Variants in DNM3 observed in about 807,000 individuals in gnomAD.
DNM3 encodes dynamin-3.
A neutral mutation model predicts 101.6 loss-of-function variants in DNM3; 47 were observed. The ratio of observed to expected loss-of-function variants is 0.46; its 90% CI spans 0.37 to 0.59. The LOEUF (loss-of-function observed/expected upper bound fraction) is 0.59. Ranked by LOEUF, DNM3 falls within the 20% of genes least tolerant of loss-of-function variation. DNM3 has a pLI of 0.00. For missense variants in DNM3, 849 were observed against 1,085.7 expected (o/e 0.78, Z 3.06); for synonymous variants, 385 against 387.9 (o/e 0.99, Z 0.09).
intron 17 of DNM3, among the ~76,000 whole-genome samples, chr1:172,328,864 G>C (rs1319792942): frequency 6.6e-6 from 1 of 151,902 alleles, no homozygotes; most frequent in Non-Finnish European, 1.5e-5. Context: ...TTTACTTTTA[G>C]AGACAGGGTC....
At chr1:172,030,741 G>A (rs1029920047) in intron 4 of DNM3, among the ~76,000 whole-genome samples, 6 of 152,244 alleles carry the variant, frequency 3.9e-5, no homozygotes, top group Admixed American at 3.3e-4. Flanking sequence ...AGTGGGCAAA[G>A]GTTATGAACA....
intron 13 of DNM3, among the ~76,000 whole-genome samples, chr1:172,129,946 C>A (rs2761187): frequency 0.082 from 12,540 of 152,054 alleles, 705 homozygotes; most frequent in African/African-American, 0.15. Flanking sequence ...CAACAGCACA[C>A]TGAAATGGAA....
At chr1:171,998,324 C>A (rs928091803) in intron 4 of DNM3, among the ~76,000 whole-genome samples, 4 of 152,046 alleles carry the variant, frequency 2.6e-5, no homozygotes, top group Admixed American at 2.6e-4. Flanking sequence ...ATTGTGAATG[C>A]AGGAAAAACA....
intron 6 of DNM3, 139 bp downstream of exon 6, chr1:172,033,404 A>G (rs2048753251): frequency 5.2e-6 from 5 of 958,820 alleles, no homozygotes; most frequent in Non-Finnish European, 6.0e-6. Flanking sequence ...TTAAAAATGA[A>G]TATTAGTACC....
chr1:171,966,481 A>G (rs761628728), intron 2 of DNM3, among the ~76,000 whole-genome samples: 1 of 152,216 alleles, frequency 6.6e-6, no homozygotes, highest in Non-Finnish European at 1.5e-5. Flanking sequence ...CATCCAAAAG[A>G]CCACCAGGAT....
At chr1:172,233,966 T>C (rs1337706888) in intron 14 of DNM3, among the ~76,000 whole-genome samples, 1 of 152,194 alleles carries the variant, frequency 6.6e-6, no homozygotes, top group Admixed American at 6.5e-5. Context: ...AAGCATTCCT[T>C]TTGAAAACTG....
At chr1:172,404,155 T>C (rs1164129758) in intron 20 of DNM3, among the ~76,000 whole-genome samples, 1 of 152,090 alleles carries the variant, frequency 6.6e-6, no homozygotes, top group Non-Finnish European at 1.5e-5. Flanking sequence ...AAGTACATAT[T>C]TGGGTTCCTT....
intron 14 of DNM3, among the ~76,000 whole-genome samples, chr1:172,246,032 G>A (rs2061940538): frequency 6.6e-6 from 1 of 152,154 alleles, no homozygotes; most frequent in South Asian, 2.1e-4. Context: ...TTCACATGGT[G>A]GCAGGAGAGA....
In DNM3 at chr1:172,411,139, C is replaced by G. The variant is rs1236676388; in HGVS notation, c.*3298C>G. On this transcript the variant is annotated 3_prime_UTR_variant, in exon 21 of 21. Coordinates refer to ENST00000627582, the MANE Select transcript of DNM3 (RefSeq NM_015569.5). The stretch of plus-strand genomic sequence containing the variant: ...TTGTAAATATCTATGTATACATGTA[C>G]TTAGTATGTGTGGTATCAGGATATT... 3.0e-6 allele frequency: 3 copies of G among 984,540 alleles called. No homozygotes were observed. The highest frequency in any genetic ancestry group is 3.6e-6 in the Non-Finnish European group (3 of 829,426). 61.0% of individuals were successfully genotyped at this position (984,540 alleles called of 1,614,324 possible).
chr1:171,973,556 A>G (rs1009830146), intron 2 of DNM3, among the ~76,000 whole-genome samples: 2 of 152,002 alleles, frequency 1.3e-5, no homozygotes, highest in Admixed American at 6.5e-5. Context: ...ACTGAAACCT[A>G]TGAAAGAGAC....
chr1:172,010,759 T>C (rs752411652), intron 4 of DNM3, among the ~76,000 whole-genome samples: 6 of 150,678 alleles, frequency 4.0e-5, no homozygotes, highest in Non-Finnish European at 8.9e-5. Context: ...TCTGTGAGTT[T>C]GTAGTTTTCA....
chr1:171,855,351 G>A (rs1177755496), intron 1 of DNM3, among the ~76,000 whole-genome samples: 2 of 152,174 alleles, frequency 1.3e-5, no homozygotes, highest in Non-Finnish European at 2.9e-5. Context: ...ACATGCATGT[G>A]TCCTTATGGT....
chr1:172,210,773 T>C (rs541753063), intron 14 of DNM3, among the ~76,000 whole-genome samples: 4 of 152,248 alleles, frequency 2.6e-5, no homozygotes, highest in South Asian at 2.1e-4. Context: ...AGATAACATA[T>C]GTCTGTGGAA....
At chr1:172,033,065 A>C (rs754174137) in intron 5 of DNM3, 40 bp from the exon 6 acceptor site, 5 of 1,597,654 alleles carry the variant, frequency 3.1e-6, no homozygotes, top group South Asian at 1.1e-5. Context: ...ATAAGCCACA[A>C]AAAGTGTCCC....
intron 2 of DNM3, among the ~76,000 whole-genome samples, chr1:171,926,290 T>C (rs780609518): frequency 2.0e-5 from 3 of 152,218 alleles, no homozygotes; most frequent in Non-Finnish European, 4.4e-5. Context: ...ATAGAATCTG[T>C]AGATTGCTTT....
At chr1:171,947,502 A>C (rs1040854675) in intron 2 of DNM3, among the ~76,000 whole-genome samples, 1 of 152,166 alleles carries the variant, frequency 6.6e-6, no homozygotes, top group Non-Finnish European at 1.5e-5. Context: ...GCCTGAAAAA[A>C]TCAGTATTTC....
At chr1:172,208,233 G>T (rs1414376024) in intron 14 of DNM3, among the ~76,000 whole-genome samples, 6 of 152,038 alleles carry the variant, frequency 3.9e-5, no homozygotes, top group African/African-American at 1.4e-4. Flanking sequence ...TTTTGGCTTT[G>T]CTCTTTAAAT....
Position 172,150,819 on chromosome 1 carries a change from G to A in DNM3, c.1659+19531G>A, listed in dbSNP as rs188130053. 1.4e-4 allele frequency among the ~76,000 whole-genome samples: 21 copies of A among 152,308 alleles called. No homozygotes were observed. The East Asian group carries it at 4.1e-3, about 29-fold the overall frequency. On this transcript the variant is annotated intron_variant, in intron 14 of 20. Coordinates refer to ENST00000627582, the MANE Select transcript of DNM3 (RefSeq NM_015569.5). Reference sequence around the variant, plus strand: ...AGAACAGGGCCTGGCCCAGAGCTAAGCTTTATGCAGGTAGGGCTGCTGCGG... The same window carrying A: ...AGAACAGGGCCTGGCCCAGAGCTAAACTTTATGCAGGTAGGGCTGCTGCGG...
intron 15 of DNM3, among the ~76,000 whole-genome samples, chr1:172,268,955 TTCTAGGGGAATCAGGCATCGTACTTTTCA>T: frequency 6.6e-6 from 1 of 152,322 alleles, no homozygotes; most frequent in East Asian, 1.9e-4. Context: ...AGATTCATTT[TTCTAGGGGAATCAGGCATCGTACTTTTCA>T]GGAGCCTTTG....
Sources: allele counts gnomAD v4.1 joint callset (sites outside exome capture counted in the v4.1 genomes callset), GRCh38; gene constraint gnomAD v4.1.1; transcripts MANE v1.5; gene names NCBI Gene and HGNC (gene_info 2026-07-23, HGNC 2026-07-21).